The following INPP4B variants were observed in gnomAD, a reference collection of about 807,000 sequenced individuals.
The protein encoded by INPP4B is inositol polyphosphate 4-phosphatase type II.
A neutral mutation model predicts 122.5 loss-of-function variants in INPP4B; 55 were observed. The ratio of observed to expected loss-of-function variants is 0.45; its 90% CI spans 0.36 to 0.56. The LOEUF (loss-of-function observed/expected upper bound fraction) is 0.56. INPP4B is among the 20% of genes least tolerant of loss of function. The pLI is 0.00. For synonymous variants in INPP4B, 403 were observed against 388.7 expected (o/e 1.04, Z -0.43); for missense variants, 1,000 against 1,097.7 (o/e 0.91, Z 1.26).
chr4:142,082,895 G>A (rs1774762265), intron 24 of INPP4B, among the ~76,000 whole-genome samples: 1 of 152,164 alleles, frequency 6.6e-6, no homozygotes, highest in African/African-American at 2.4e-5. Flanking sequence ...GGGAGGCCAA[G>A]GCAGGAGGAT....
At chr4:142,526,740 C>T (rs1826966405) in intron 2 of INPP4B, among the ~76,000 whole-genome samples, 2 of 151,996 alleles carry the variant, frequency 1.3e-5, no homozygotes, top group Non-Finnish European at 2.9e-5. Flanking sequence ...TAGTGTTTCT[C>T]ATATGCTTTT....
intron 3 of INPP4B, among the ~76,000 whole-genome samples, chr4:142,439,469 G>A (rs1292654714): frequency 6.6e-6 from 1 of 152,132 alleles, no homozygotes; most frequent in Non-Finnish European, 1.5e-5. Context: ...CAAACACTTA[G>A]TAAACACTAC....
chr4:142,756,385 C>T (rs1267583174), intron 1 of INPP4B, among the ~76,000 whole-genome samples: 1 of 151,948 alleles, frequency 6.6e-6, no homozygotes, highest in Non-Finnish European at 1.5e-5. Context: ...ACAATTAATC[C>T]TCTTATTATT....
intron 1 of INPP4B, among the ~76,000 whole-genome samples, chr4:142,845,775 T>C (rs2151226219): frequency 6.6e-6 from 1 of 151,618 alleles, no homozygotes; most frequent in South Asian, 2.1e-4. Flanking sequence ...ATCATCAGGA[T>C]TGGAAGTGAG....
chr4:142,381,241 C>G (rs1192684533), intron 7 of INPP4B, among the ~76,000 whole-genome samples: 2 of 152,082 alleles, frequency 1.3e-5, no homozygotes, highest in African/African-American at 4.8e-5. Context: ...CGCTTTTTCT[C>G]ACATCCTGCC....
chr4:142,298,768 T>G (rs1189262014), intron 9 of INPP4B, among the ~76,000 whole-genome samples: 1 of 151,570 alleles, frequency 6.6e-6, no homozygotes, highest in Admixed American at 6.6e-5. Flanking sequence ...AAATACTTGA[T>G]ATCACGAACA....
At chr4:142,143,577 T>G (rs1342951444) in intron 18 of INPP4B, among the ~76,000 whole-genome samples, 1 of 152,042 alleles carries the variant, frequency 6.6e-6, no homozygotes, top group Admixed American at 6.6e-5. Flanking sequence ...GTGTCAAATA[T>G]AATTAAAATT....
At chr4:142,679,465 G>A (rs1337575442) in intron 2 of INPP4B, among the ~76,000 whole-genome samples, 2 of 151,780 alleles carry the variant, frequency 1.3e-5, no homozygotes, top group Non-Finnish European at 2.9e-5. Flanking sequence ...TTTAATTTAT[G>A]GCACTAGAGT....
intron 17 of INPP4B, among the ~76,000 whole-genome samples, chr4:142,152,968 G>A (rs1223199430): frequency 6.6e-6 from 1 of 151,922 alleles, no homozygotes; most frequent in Non-Finnish European, 1.5e-5. Flanking sequence ...TTATTTGGTA[G>A]TAAAAAAAAA....
intron 15 of INPP4B, among the ~76,000 whole-genome samples, chr4:142,185,600 C>T (rs1832813853): frequency 6.6e-6 from 1 of 151,868 alleles, no homozygotes; most frequent in Admixed American, 6.6e-5. Flanking sequence ...GTCCTCTTGG[C>T]CGGGCGCGGT....
intron 2 of INPP4B, among the ~76,000 whole-genome samples, chr4:142,589,867 C>T (rs1737052815): frequency 6.6e-6 from 1 of 152,034 alleles, no homozygotes; most frequent in African/African-American, 2.4e-5. Flanking sequence ...AACTGGAAGA[C>T]AACCAAAATG....
At chr4:142,675,238 A>C (rs1757577850) in intron 2 of INPP4B, among the ~76,000 whole-genome samples, 1 of 152,204 alleles carries the variant, frequency 6.6e-6, no homozygotes, top group East Asian at 1.9e-4. Flanking sequence ...CAAATAAACT[A>C]GAAAATCTAG....
chr4:142,386,608 A>T (rs1224398638), intron 7 of INPP4B, among the ~76,000 whole-genome samples: 2 of 152,168 alleles, frequency 1.3e-5, no homozygotes, highest in African/African-American at 2.4e-5. Flanking sequence ...AACCACGTTC[A>T]AATAAGGCAA....
chr4:142,247,990 C>A (rs1198562165), intron 11 of INPP4B, among the ~76,000 whole-genome samples: 1 of 152,020 alleles, frequency 6.6e-6, no homozygotes, highest in African/African-American at 2.4e-5. Context: ...TATGGAAGAG[C>A]CTCTGTGTGC....
intron 2 of INPP4B, among the ~76,000 whole-genome samples, chr4:142,534,324 A>G (rs991503509): frequency 3.9e-5 from 6 of 152,170 alleles, no homozygotes; most frequent in Non-Finnish European, 7.3e-5. Flanking sequence ...CCAGTGCAAC[A>G]GTATTAAGAG....
At chr4:142,244,254 A>G (rs965061410) in intron 11 of INPP4B, among the ~76,000 whole-genome samples, 1 of 117,008 alleles carries the variant, frequency 8.5e-6, no homozygotes, top group Non-Finnish European at 1.8e-5. Flanking sequence ...TCTTTTTTTT[A>G]TGGCTACATG....
intron 2 of INPP4B, among the ~76,000 whole-genome samples, chr4:142,502,144 T>C (rs1212134321): frequency 2.6e-5 from 4 of 152,170 alleles, no homozygotes; most frequent in Non-Finnish European, 5.9e-5. Context: ...CGAGTTGTTT[T>C]TCAGAAACTC....
At chr4:142,195,839 T>G (rs1837961315) in intron 14 of INPP4B, among the ~76,000 whole-genome samples, 1 of 152,200 alleles carries the variant, frequency 6.6e-6, no homozygotes, top group African/African-American at 2.4e-5. Context: ...TATTTATAAT[T>G]CCTTGTAGTG....
At chr4:142,114,894 A>C (rs1292621212) in intron 21 of INPP4B, among the ~76,000 whole-genome samples, 1 of 152,098 alleles carries the variant, frequency 6.6e-6, no homozygotes, top group Non-Finnish European at 1.5e-5. Flanking sequence ...ACCCATCACA[A>C]AGAAGATAAA....
Sources: gnomAD v4.1 joint callset for allele counts (sites outside exome capture counted in the v4.1 genomes callset) on GRCh38, gnomAD v4.1.1 for gene constraint, MANE v1.5 for transcripts, NCBI Gene and HGNC (gene_info 2026-07-23, HGNC 2026-07-21) for gene names.